KAZN: variants seen among roughly 807,000 people sequenced by gnomAD.
KAZN encodes kazrin, periplakin interacting protein.
Under a neutral mutation model 87.4 loss-of-function variants are expected in KAZN, and 40 were observed. That is an observed-to-expected ratio of 0.46 (90% confidence interval 0.36 to 0.60). The LOEUF (loss-of-function observed/expected upper bound fraction) is 0.60, where lower values mean the gene tolerates loss of function less well. KAZN is among the 20% of genes least tolerant of loss of function. KAZN has a pLI of 0.00. For missense variants in KAZN, 898 were observed against 1,073.9 expected, an observed-to-expected ratio of 0.84 and a Z score of 2.29; for synonymous variants, 466 against 458.3, an observed-to-expected ratio of 1.02 and a Z score of -0.22.
chr1:14,569,976 G>A (rs572071501), intron 2 of KAZN, among the ~76,000 whole-genome samples: 39 of 152,180 alleles, frequency 2.6e-4, no homozygotes, highest in Admixed American at 1.8e-3. Flanking sequence ...AACTGGGTGC[G>A]GTGGTGGGTG....
At chr1:14,508,058 A>AC (rs139377788) in intron 2 of KAZN, among the ~76,000 whole-genome samples, 25,685 of 151,542 alleles carry the variant, frequency 0.17, 2,468 homozygotes, top group Non-Finnish European at 0.22. Context: ...AATTCTTGTG[A>AC]CCCCCCAGTA....
intron 2 of KAZN, among the ~76,000 whole-genome samples, chr1:15,034,042 CT>C (rs1404842416): frequency 6.6e-6 from 1 of 152,144 alleles, no homozygotes; most frequent in Non-Finnish European, 1.5e-5. Context: ...ACCTGACTTC[CT>C]GTTTAAATGA....
intron 1 of KAZN, among the ~76,000 whole-genome samples, chr1:13,983,844 T>C (rs192802396): frequency 4.6e-5 from 7 of 152,348 alleles, no homozygotes; most frequent in African/African-American, 1.7e-4. Flanking sequence ...TGTTTATTTT[T>C]GAACCTCCTC....
intron 8 of KAZN, among the ~76,000 whole-genome samples, chr1:15,083,672 A>G (rs1442366586): frequency 1.3e-5 from 2 of 151,652 alleles, no homozygotes; most frequent in African/African-American, 2.4e-5. Context: ...CTCGGTGCTT[A>G]GGCCTGTCTC....
chr1:14,724,026 T>C (rs2100307940), intron 1 of KAZN, among the ~76,000 whole-genome samples: 1 of 152,306 alleles, frequency 6.6e-6, no homozygotes, highest in South Asian at 2.1e-4. Context: ...TTTTCTGCAT[T>C]CGTTGATTTA....
At chr1:13,983,852 C>G (rs559290035) in intron 1 of KAZN, among the ~76,000 whole-genome samples, 2 of 152,158 alleles carry the variant, frequency 1.3e-5, no homozygotes, top group African/African-American at 4.8e-5. Flanking sequence ...TTTGAACCTC[C>G]TCTTTTCAAA....
At chr1:14,096,838 A>G (rs918796166) in intron 1 of KAZN, among the ~76,000 whole-genome samples, 15 of 152,338 alleles carry the variant, frequency 9.8e-5, no homozygotes, top group African/African-American at 3.6e-4. Context: ...AACAGGGAGC[A>G]TCTGTATTTT....
chr1:14,111,498 A>C lies in KAZN; in HGVS notation c.92-68937A>C, dbSNP rs1410112433. 1.5e-5 allele frequency among the ~76,000 whole-genome samples: 2 copies of C among 135,154 alleles called. 1 individual carries two copies. The highest frequency in any genetic ancestry group is 1.5e-4 in the Admixed American group (2 of 13,766). The allele number at this position is 135,154 out of a possible 152,430, so 88.7% of individuals were successfully genotyped here. On this transcript the variant is annotated intron_variant, in intron 1 of 16. Transcript: ENST00000636203. ...CTAACGTCAGGCCCAGCAGAGTCCA[A>C]AAGGACTGGGGCAGCATTGCTGCAC...
intron 1 of KAZN, among the ~76,000 whole-genome samples, chr1:14,915,896 T>C (rs1040777734): frequency 2.0e-5 from 3 of 152,200 alleles, no homozygotes; most frequent in Non-Finnish European, 4.4e-5. Context: ...GGCAGCATCA[T>C]GGCTATGAGT....
At chr1:13,894,188 C>T (rs1157912186) in intron 1 of KAZN, among the ~76,000 whole-genome samples, 1 of 152,196 alleles carries the variant, frequency 6.6e-6, no homozygotes, top group African/African-American at 2.4e-5. Flanking sequence ...TATGCCCCCC[C>T]AGCCCCTGCT....
intron 2 of KAZN, among the ~76,000 whole-genome samples, chr1:14,503,213 G>T (rs1480638220): frequency 1.3e-5 from 2 of 152,002 alleles, no homozygotes; most frequent in Admixed American, 6.6e-5. Flanking sequence ...GCCGTGCGTG[G>T]TGGCTCGTGC....
At chr1:14,401,998 TTAATA>T (rs906491206) in intron 2 of KAZN, among the ~76,000 whole-genome samples, 1 of 151,926 alleles carries the variant, frequency 6.6e-6, no homozygotes, top group Non-Finnish European at 1.5e-5. Context: ...AATTTTTTTG[TTAATA>T]TAATACAAGT....
At chr1:14,762,641 C>T (rs989744275) in intron 1 of KAZN, among the ~76,000 whole-genome samples, 3 of 151,914 alleles carry the variant, frequency 2.0e-5, no homozygotes, top group South Asian at 2.1e-4. Context: ...AGGAGAATGG[C>T]GTGAACCCGG....
At position 14,147,466 on chromosome 1, in the gene KAZN, G is replaced by A. The variant is rs539423896; in HGVS notation, c.92-32969G>A. On this transcript the variant is annotated intron_variant, in intron 1 of 16. Transcript: ENST00000636203. ...AATTAATGAAACAGTGTTGATAATAGAAGCTACCTCTTAGATTTATTGGGA... is the reference window on the plus strand; with the variant it reads ...AATTAATGAAACAGTGTTGATAATAAAAGCTACCTCTTAGATTTATTGGGA... 2.0e-5 allele frequency among the ~76,000 whole-genome samples: 3 copies of A among 152,294 alleles called. No individual in the cohort carries two copies. The South Asian group carries it at 6.2e-4, about 32-fold the overall frequency.
intron 1 of KAZN, among the ~76,000 whole-genome samples, chr1:14,016,761 C>T (rs983512766): frequency 4.6e-5 from 7 of 152,088 alleles, no homozygotes; most frequent in African/African-American, 7.2e-5. Context: ...TCACTGAGCA[C>T]GCATATTTTA....
intron 13 of KAZN, among the ~76,000 whole-genome samples, chr1:15,105,292 A>G (rs493984): frequency 0.56 from 84,560 of 152,042 alleles, 23,695 homozygotes; most frequent in East Asian, 0.77. Flanking sequence ...ATCTGGTCTT[A>G]GGCTTTTCTT....
rs1430306528 is a variant in KAZN at position 15,056,812 on chromosome 1, C to A, written c.916+532C>A. On this transcript the variant is annotated intron_variant, in intron 5 of 14. Coordinates refer to ENST00000376030, the MANE Select transcript of KAZN (RefSeq NM_201628.3). The surrounding 1 kb of genome is among the most constrained non-coding windows in gnomAD (Gnocchi z 5.4). Reference sequence around the variant, plus strand: ...GTCACAGGTGTTTGCTCCAGGCACTCGGCAGGGAAGTCTGGCCTGTGGACA... The same window carrying A: ...GTCACAGGTGTTTGCTCCAGGCACTAGGCAGGGAAGTCTGGCCTGTGGACA... Among the ~76,000 whole-genome samples, 2 of 152,182 alleles carry A rather than the reference C, an allele frequency of 1.3e-5. No individual in the cohort carries two copies. Among genetic ancestry groups the A allele is most frequent in the East Asian group, 1.9e-4 (1 of 5,196 alleles).
At chr1:14,481,925 C>T (rs2148393009) in intron 2 of KAZN, among the ~76,000 whole-genome samples, 1 of 152,340 alleles carries the variant, frequency 6.6e-6, no homozygotes, top group East Asian at 1.9e-4. Flanking sequence ...GGTACAAGAG[C>T]AAACGGCATG....
chr1:14,295,694 A>G (rs145064687), intron 2 of KAZN, among the ~76,000 whole-genome samples: 1 of 152,312 alleles, frequency 6.6e-6, no homozygotes, highest in East Asian at 1.9e-4. Context: ...ACACATGCGC[A>G]GATACACCAA....
Sources: gnomAD v4.1 joint callset for allele counts (sites outside exome capture counted in the v4.1 genomes callset) on GRCh38, gnomAD v4.1.1 for gene constraint, Gnocchi (gnomAD v3.1) non-coding constraint, MANE v1.5 for transcripts, NCBI Gene and HGNC (gene_info 2026-07-23, HGNC 2026-07-21) for gene names.